The following COL4A2 variants were observed in gnomAD, a reference collection of about 807,000 sequenced individuals.
COL4A2 encodes collagen alpha-2(IV) chain.
Under a neutral mutation model 200.2 loss-of-function variants are expected in COL4A2, and 99 were observed. That is an observed-to-expected ratio of 0.49 (90% CI 0.42 to 0.58). The LOEUF (loss-of-function observed/expected upper bound fraction) is 0.58, where lower values mean the gene tolerates loss of function less well. COL4A2 is among the 20% of genes least tolerant of loss of function. The pLI is 0.00. For synonymous variants in COL4A2, 897 were observed against 900.6 expected (o/e 1.00, Z 0.07); for missense variants, 1,950 against 2,314.1 (o/e 0.84, Z 3.23).
At chr13:110,338,842 G>T (rs1556124) in intron 3 of COL4A2, among the ~76,000 whole-genome samples, 1 of 152,144 alleles carries the variant, frequency 6.6e-6, no homozygotes, top group Admixed American at 6.5e-5. Flanking sequence ...GCCCTGAGCC[G>T]GGAGGTCACA....
At chr13:110,344,172 C>T (rs1375589060) in intron 3 of COL4A2, among the ~76,000 whole-genome samples, 2 of 152,160 alleles carry the variant, frequency 1.3e-5, no homozygotes, top group South Asian at 2.1e-4. Flanking sequence ...AAACTCTTCA[C>T]TGCATGTGTA....
intron 21 of COL4A2, chr13:110,458,070 G>C (rs957861854): frequency 1.3e-5 from 6 of 461,092 alleles, no homozygotes; most frequent in South Asian, 3.2e-5. Context: ...CAGAACATGG[G>C]GAGCACTTCC....
intron 3 of COL4A2, among the ~76,000 whole-genome samples, chr13:110,340,791 G>A (rs1014523040): frequency 5.3e-5 from 8 of 152,068 alleles, no homozygotes; most frequent in South Asian, 2.1e-4. Context: ...CCAGCTTCTC[G>A]CTTGCTTCAG....
chr13:110,334,254 A>G (rs1020495741), intron 3 of COL4A2, among the ~76,000 whole-genome samples: 1 of 152,222 alleles, frequency 6.6e-6, no homozygotes, highest in African/African-American at 2.4e-5. Context: ...AGGCTGACCC[A>G]GCTTTGGAAC....
chr13:110,473,184 C>T, intron 29 of COL4A2, 34 bp downstream of exon 29: 1 of 1,543,426 alleles, frequency 6.5e-7, no homozygotes, highest in Non-Finnish European at 8.7e-7. Flanking sequence ...GGGGCCCCAT[C>T]CCAGATGCAC....
chr13:110,349,342 G>C (rs1029850224), intron 3 of COL4A2, among the ~76,000 whole-genome samples: 1 of 152,162 alleles, frequency 6.6e-6, no homozygotes, highest in Admixed American at 6.6e-5. Flanking sequence ...TTTCCCCGGT[G>C]GCAAAGGAGG....
chr13:110,340,308 G>A lies in COL4A2; in HGVS notation c.100-17164G>A, dbSNP rs185866458. ...ATTTTTGTATTTTTAGTAGAGATGC[G>A]GTTTCACCATCTTGGCCAGGCTGGT... On this transcript the variant is annotated intron_variant, in intron 3 of 47. Transcript: ENST00000360467. 6.0e-3 allele frequency among the ~76,000 whole-genome samples: 915 copies of A among 152,166 alleles called. 6 individuals carry two copies. The highest frequency in any genetic ancestry group is 0.01 in the Non-Finnish European group (682 of 68,008).
chr13:110,416,583 C>A (rs1204325599), intron 4 of COL4A2, among the ~76,000 whole-genome samples: 2 of 152,234 alleles, frequency 1.3e-5, no homozygotes, highest in African/African-American at 4.8e-5. Context: ...CACCCATGTG[C>A]TGCCTATTTT....
chr13:110,509,266 T>TAC (rs1380212410), intron 47 of COL4A2, among the ~76,000 whole-genome samples: 183 of 118,276 alleles, frequency 1.5e-3, no homozygotes, highest in Admixed American at 3.7e-3. Flanking sequence ...TATATATATA[T>TAC]ATATACACAC....
chr13:110,378,501 A>T (rs1188625487), intron 4 of COL4A2, among the ~76,000 whole-genome samples: 1 of 152,188 alleles, frequency 6.6e-6, no homozygotes, highest in Non-Finnish European at 1.5e-5. Flanking sequence ...TCGCCTCAGG[A>T]GATTCTCTGA....
At chr13:110,340,560 C>T (rs752204668) in intron 3 of COL4A2, among the ~76,000 whole-genome samples, 4 of 152,156 alleles carry the variant, frequency 2.6e-5, no homozygotes, top group Non-Finnish European at 5.9e-5. Flanking sequence ...TCATCCCCTC[C>T]CCACCTTGGG....
chr13:110,383,382 G>T (rs925101713), intron 4 of COL4A2, among the ~76,000 whole-genome samples: 2 of 152,176 alleles, frequency 1.3e-5, no homozygotes, highest in Admixed American at 1.3e-4. Context: ...CCCTTTAAGG[G>T]TTGATGGATT....
intron 3 of COL4A2, among the ~76,000 whole-genome samples, chr13:110,314,231 A>G (rs1215235322): frequency 2.6e-5 from 4 of 152,222 alleles, no homozygotes; most frequent in Non-Finnish European, 5.9e-5. Context: ...TCTCTGTACT[A>G]TCTCTGCAAC....
rs758988255 is a variant in COL4A2, at chr13:110,508,167, C to G, written c.4827C>G (p.Ile1609Met). Residue 1609 changes from isoleucine to methionine, a missense_variant, in exon 47 of 48, where the codon ATC becomes ATG. Physicochemically the swap from Ile to Met is conservative, Grantham distance 10 (BLOSUM62 1). Coordinates refer to ENST00000360467, the MANE Select transcript of COL4A2 (RefSeq NM_001846.4). This position sits in a 1 kb window ranked among gnomAD's most constrained non-coding sequence, Gnocchi z 6.1. The part of the protein sequence containing the change: ...AIAVHSQDVS[I>M]PHCPAGWRSL... Reference sequence around the variant, plus strand: ...CGGTCCACAGTCAGGATGTCTCCATCCCACACTGCCCAGCTGGGTGGCGGA... The same window carrying G: ...CGGTCCACAGTCAGGATGTCTCCATGCCACACTGCCCAGCTGGGTGGCGGA... The G allele has an allele frequency of 3.1e-6, 5 of 1,614,276 alleles. No homozygotes were observed. The East Asian group carries it at 1.1e-4, about 36-fold the overall frequency.
Position 110,315,979 on chromosome 13 carries a change from TC to T in COL4A2, c.99+7859del, listed in dbSNP as rs1594141036. ...TTTATTCTTACTGTGGGTTTTTTTT[TC>T]CCAAATTATCTGCTTTCTCCCACTG... On this transcript the variant is annotated intron_variant, in intron 3 of 47. Transcript: ENST00000360467. Among the ~76,000 whole-genome samples, 4 of 151,790 alleles carry T rather than the reference TC, an allele frequency of 2.6e-5. No homozygotes were observed. The East Asian group carries it at 7.8e-4, about 30-fold the overall frequency.
intron 6 of COL4A2, among the ~76,000 whole-genome samples, chr13:110,428,175 T>C (rs1880538352): frequency 7.3e-6 from 1 of 137,622 alleles, no homozygotes; most frequent in Non-Finnish European, 1.6e-5. Flanking sequence ...TTGTCCCTGC[T>C]GATAGACAGT....
intron 21 of COL4A2, chr13:110,458,092 A>G (rs1227339027): frequency 2.1e-6 from 1 of 468,734 alleles, no homozygotes; most frequent in South Asian, 1.6e-5. Flanking sequence ...GGGACTTACC[A>G]CGTCTTGGCC....
In COL4A2 at chr13:110,512,364, G is replaced by A; in HGVS notation, c.*173G>A. ...AGCCACTGTCACCGAGCGGGTGCAA[G>A]CACTCGGGGTCCCTGGAGGGCAAGC... On this transcript the variant is annotated 3_prime_UTR_variant, in exon 48 of 48. Coordinates refer to ENST00000360467, the MANE Select transcript of COL4A2 (RefSeq NM_001846.4). 1 of 1,141,572 alleles carries A rather than the reference G, an allele frequency of 8.8e-7. No homozygotes were observed. The highest frequency in any genetic ancestry group is 2.6e-5 in the East Asian group (1 of 38,516). The allele number at this position is 1,141,572 out of a possible 1,614,324, so 70.7% of individuals were successfully genotyped here.
chr13:110,310,729 C>G (rs1345144085), intron 3 of COL4A2, among the ~76,000 whole-genome samples: 1 of 152,180 alleles, frequency 6.6e-6, no homozygotes, highest in Non-Finnish European at 1.5e-5. Context: ...AGCCCTTTGG[C>G]TTGTTTTGTT....
Sources: gnomAD v4.1 joint callset for allele counts (sites outside exome capture counted in the v4.1 genomes callset) on GRCh38, gnomAD v4.1.1 for gene constraint, Gnocchi (gnomAD v3.1) non-coding constraint, MANE v1.5 for transcripts, NCBI Gene and HGNC (gene_info 2026-07-23, HGNC 2026-07-21) for gene names.